Variants in NBEA observed in about 807,000 individuals in gnomAD.
NBEA encodes the protein neurobeachin.
NBEA carries 44 observed loss-of-function variants against 343.4 expected under a neutral mutation model. The ratio of observed to expected loss-of-function variants is 0.13; its 90% confidence interval spans 0.10 to 0.16. The LOEUF (loss-of-function observed/expected upper bound fraction) is 0.16, where lower values mean the gene tolerates loss of function less well. Ranked by LOEUF, NBEA falls within the 10% of genes least tolerant of loss-of-function variation. The pLI is 1.00. For synonymous variants in NBEA, 1,175 were observed against 1,238.7 expected (o/e 0.95, Z 1.08); for missense variants, 2,555 against 3,631.3 (o/e 0.70, Z 7.62).
intron 17 of NBEA, among the ~76,000 whole-genome samples, chr13:35,135,917 C>T (rs1367808079): frequency 5.9e-5 from 9 of 151,654 alleles, no homozygotes; most frequent in African/African-American, 2.2e-4. Context: ...AGCCCCCTCC[C>T]CCCTCAAAAA....
chr13:35,119,883 C>A (rs573590243), intron 16 of NBEA, among the ~76,000 whole-genome samples: 1 of 152,270 alleles, frequency 6.6e-6, no homozygotes, highest in Admixed American at 6.5e-5. Context: ...GCCACCGTGC[C>A]CAGCCTATAA....
chr13:35,223,489 G>A (rs1026148442), intron 33 of NBEA, among the ~76,000 whole-genome samples: 1 of 152,142 alleles, frequency 6.6e-6, no homozygotes, highest in Non-Finnish European at 1.5e-5. Context: ...AGATTCTAAT[G>A]AGAATGTCAT....
intron 48 of NBEA, among the ~76,000 whole-genome samples, chr13:35,622,986 A>T (rs1198088554): frequency 6.6e-6 from 1 of 152,202 alleles, no homozygotes; most frequent in East Asian, 1.9e-4. Context: ...AATATTATCC[A>T]TCTAAGAGAT....
chr13:35,569,540 T>A (rs2080295547), intron 45 of NBEA, among the ~76,000 whole-genome samples: 1 of 152,212 alleles, frequency 6.6e-6, no homozygotes, highest in African/African-American at 2.4e-5. Flanking sequence ...TGAAGCTCCT[T>A]TTTTTCTCTC....
In NBEA at chr13:35,349,204, T is replaced by C; in HGVS notation, c.6000T>C (p.His2000=). 1 of 1,593,352 alleles carries C rather than the reference T, an allele frequency of 6.3e-7. No individual in the cohort carries two copies. Among genetic ancestry groups the C allele is most frequent in the Non-Finnish European group, 8.6e-7 (1 of 1,168,014 alleles). The change falls in exon 37 of 59, where the codon CAT becomes CAC. Residue 2000 remains histidine, a synonymous_variant. Coordinates refer to ENST00000379939, the MANE Select transcript of NBEA (RefSeq NM_001385012.1). The part of the protein sequence containing the change: ...NRQRAEDVHK[H]AEFESQCAQY... ...AAAGAGCCGAGGATGTACATAAACA[T>C]GCAGAGTTTGAGGTAAGGTTTTGGG...
At chr13:35,468,969 C>T (rs977456209) in intron 40 of NBEA, among the ~76,000 whole-genome samples, 6 of 151,510 alleles carry the variant, frequency 4.0e-5, no homozygotes, top group African/African-American at 9.7e-5. Context: ...CACAGTGGTG[C>T]GTGCCTGTAC....
At chr13:35,538,175 A>G (rs1260360476) in intron 41 of NBEA, among the ~76,000 whole-genome samples, 2 of 152,158 alleles carry the variant, frequency 1.3e-5, no homozygotes, top group Non-Finnish European at 2.9e-5. Flanking sequence ...ATTTTTTCAC[A>G]TTTTGGATAT....
At position 35,159,263 on chromosome 13, in the gene NBEA, C is replaced by G. The variant is rs1184142673; in HGVS notation, c.3092C>G (p.Thr1031Arg). Residue 1031 changes from threonine (T) to arginine (R), a missense_variant, in exon 22 of 59, where the codon ACA (threonine) becomes AGA (arginine). Thr to Arg is a moderately conservative substitution (Grantham distance 71). Around this residue, in one of 21 missense-constraint regions of NBEA, gnomAD observed 367 missense variants for 377.5 expected, o/e 0.97. Coordinates refer to ENST00000379939, the MANE Select transcript of NBEA (RefSeq NM_001385012.1). Reference protein sequence around the residue: ...STDTRDLLMSTKVSDDILGNS... With the variant: ...STDTRDLLMSRKVSDDILGNS... ...GATACTCGAGACTTACTCATGTCAACAAAAGTGTCAGATGATATTCTTGGA... is the reference window on the plus strand; with the variant it reads ...GATACTCGAGACTTACTCATGTCAAGAAAAGTGTCAGATGATATTCTTGGA... The G allele has an allele frequency of 6.2e-7, 1 of 1,613,430 alleles. No individual in the cohort carries two copies. The highest frequency in any genetic ancestry group is 2.2e-5 in the East Asian group (1 of 44,844).
chr13:35,403,890 A>G (rs1476062445), intron 38 of NBEA, among the ~76,000 whole-genome samples: 3 of 152,174 alleles, frequency 2.0e-5, no homozygotes, highest in Non-Finnish European at 4.4e-5. Context: ...ATCTACAAAG[A>G]ACTCAAACAA....
intron 8 of NBEA, among the ~76,000 whole-genome samples, chr13:35,067,898 G>T (rs1566234284): frequency 6.6e-6 from 1 of 151,862 alleles, no homozygotes; most frequent in Non-Finnish European, 1.5e-5. Flanking sequence ...ACCACACTTG[G>T]CTAATTTTTA....
intron 38 of NBEA, 116 bp from the exon 39 acceptor site, chr13:35,432,153 A>G: frequency 1.3e-6 from 1 of 784,984 alleles, no homozygotes; most frequent in Non-Finnish European, 1.9e-6. Context: ...AAGTATCTCC[A>G]AAATTATCTT....
intron 18 of NBEA, among the ~76,000 whole-genome samples, chr13:35,153,201 T>G (rs1433157396): frequency 1.3e-5 from 2 of 151,430 alleles, no homozygotes; most frequent in Non-Finnish European, 2.9e-5. Context: ...CCCGGGTAAT[T>G]TTTTGTATTT....
chr13:35,512,903 T>G (rs891283573), intron 41 of NBEA, among the ~76,000 whole-genome samples: 10 of 152,328 alleles, frequency 6.6e-5, no homozygotes, highest in African/African-American at 2.4e-4. Flanking sequence ...CAGGCTGTCT[T>G]GTACTACCTC....
At chr13:35,509,430 A>T (rs894844734) in intron 41 of NBEA, among the ~76,000 whole-genome samples, 1 of 152,134 alleles carries the variant, frequency 6.6e-6, no homozygotes, top group Non-Finnish European at 1.5e-5. Flanking sequence ...CTAGCAGTAT[A>T]TGTAAGGGAA....
intron 8 of NBEA, among the ~76,000 whole-genome samples, chr13:35,064,157 G>A (rs1248359658): frequency 6.6e-6 from 1 of 151,768 alleles, no homozygotes; most frequent in Non-Finnish European, 1.5e-5. Flanking sequence ...GGCATTGGCA[G>A]GATATGGACA....
intron 55 of NBEA, among the ~76,000 whole-genome samples, chr13:35,662,025 A>C (rs2085115781): frequency 6.6e-6 from 1 of 152,200 alleles, no homozygotes; most frequent in Non-Finnish European, 1.5e-5. Context: ...AATAAGAACC[A>C]TGAGTTCTTT....
chr13:35,138,660 A>G (rs992089287), intron 17 of NBEA, among the ~76,000 whole-genome samples: 16 of 152,124 alleles, frequency 1.1e-4, no homozygotes, highest in Admixed American at 4.6e-4. Flanking sequence ...GGATTTCACC[A>G]TGTTGGCCAG....
chr13:35,371,364 T>C (rs1372331167), intron 38 of NBEA, among the ~76,000 whole-genome samples: 2 of 152,000 alleles, frequency 1.3e-5, no homozygotes, highest in African/African-American at 4.8e-5. Context: ...CTTCAGGTTC[T>C]GAAATTCTTT....
intron 27 of NBEA, 149 bp from the exon 28 acceptor site, chr13:35,176,847 T>C (rs924383570): frequency 1.3e-5 from 7 of 542,620 alleles, no homozygotes; most frequent in African/African-American, 9.5e-5. Flanking sequence ...GCAGAAAATA[T>C]GCATTGTAAT....
Sources: gnomAD v4.1 joint callset for allele counts (sites outside exome capture counted in the v4.1 genomes callset) on GRCh38, gnomAD v4.1.1 for gene constraint, gnomAD v4.1.1 regional missense constraint, MANE v1.5 for transcripts, NCBI Gene and HGNC (gene_info 2026-07-23, HGNC 2026-07-21) for gene names.